RYK: variants seen among roughly 807,000 people sequenced by gnomAD.
The protein encoded by RYK is receptor like tyrosine kinase.
A neutral mutation model predicts 70.2 loss-of-function variants in RYK; 21 were observed. The ratio of observed to expected loss-of-function variants is 0.30; its 90% CI spans 0.21 to 0.43. The LOEUF (loss-of-function observed/expected upper bound fraction) is 0.43. Among genes scored for constraint, RYK ranks in the 20% least tolerant of loss-of-function variants. The pLI, the probability that RYK is intolerant of heterozygous loss-of-function variation, is 1.00. For synonymous variants in RYK, 267 were observed against 278.0 expected, an observed-to-expected ratio of 0.96 and a Z score of 0.39; for missense variants, 604 against 753.3, an observed-to-expected ratio of 0.80 and a Z score of 2.32.
intron 8 of RYK, among the ~76,000 whole-genome samples, chr3:134,189,318 T>C (rs2013568841): frequency 6.6e-6 from 1 of 152,132 alleles, no homozygotes; most frequent in Admixed American, 6.5e-5. Flanking sequence ...CGCAGAGCCT[T>C]AAAAAGTAGC....
At chr3:134,220,276 A>C (rs1448273534) in intron 2 of RYK, among the ~76,000 whole-genome samples, 1 of 152,214 alleles carries the variant, frequency 6.6e-6, no homozygotes, top group Non-Finnish European at 1.5e-5. Flanking sequence ...TTAGCTATGA[A>C]GAACATTGTT....
chr3:134,198,006 G>A (rs1465726308), intron 6 of RYK, among the ~76,000 whole-genome samples: 1 of 152,260 alleles, frequency 6.6e-6, no homozygotes, highest in Admixed American at 6.5e-5. Flanking sequence ...TGGTCAGAAC[G>A]AAATTTTTTT....
At chr3:134,209,570 G>T in intron 4 of RYK, 125 bp downstream of exon 4, 1 of 665,160 alleles carries the variant, frequency 1.5e-6, no homozygotes, top group Non-Finnish European at 2.4e-6. Context: ...ACCTGCCAGT[G>T]CTCTTTTCTC....
At chr3:134,158,977 A>C (rs554253293) in intron 14 of RYK, among the ~76,000 whole-genome samples, 16 of 152,236 alleles carry the variant, frequency 1.1e-4, no homozygotes, top group Non-Finnish European at 1.9e-4. Context: ...CAATTTTCTT[A>C]GTACGTCCTC....
intron 4 of RYK, 126 bp from the exon 5 acceptor site, chr3:134,207,651 A>G (rs1446802942): frequency 1.3e-5 from 8 of 612,184 alleles, no homozygotes; most frequent in Non-Finnish European, 2.3e-5. Context: ...AATGAAAGCT[A>G]TGTTACTATT....
chr3:134,170,128 C>T (rs889251988), intron 13 of RYK, among the ~76,000 whole-genome samples: 1 of 152,076 alleles, frequency 6.6e-6, no homozygotes, highest in Admixed American at 6.5e-5. Context: ...TTATCTAAAG[C>T]AAAGGCGATA....
At chr3:134,227,024 T>C (rs2014927974) in intron 1 of RYK, among the ~76,000 whole-genome samples, 1 of 152,210 alleles carries the variant, frequency 6.6e-6, no homozygotes, top group Non-Finnish European at 1.5e-5. Context: ...GACATAATCA[T>C]ATGTATAGAA....
At chr3:134,250,294 C>A in intron 1 of RYK, 129 bp downstream of exon 1, 1 of 404,572 alleles carries the variant, frequency 2.5e-6, no homozygotes, top group Admixed American at 4.8e-5. Flanking sequence ...GGCCGCGAGG[C>A]GAATCCGGGC....
chr3:134,159,178 C>T (rs1307186024), intron 14 of RYK, 59 bp downstream of exon 14: 3 of 1,561,638 alleles, frequency 1.9e-6, no homozygotes, highest in African/African-American at 2.7e-5. Context: ...GCTCTTTTTC[C>T]TTTATTCCAA....
At chr3:134,235,054 T>C (rs1477930496) in intron 1 of RYK, among the ~76,000 whole-genome samples, 2 of 152,098 alleles carry the variant, frequency 1.3e-5, no homozygotes, top group Non-Finnish European at 2.9e-5. Flanking sequence ...TGATCAGCTA[T>C]AAGGAAAAGC....
intron 1 of RYK, among the ~76,000 whole-genome samples, chr3:134,231,081 T>A (rs1451804053): frequency 1.3e-5 from 2 of 151,548 alleles, no homozygotes; most frequent in East Asian, 3.9e-4. Context: ...AAAAATAATA[T>A]GTAAGTAAGT....
intron 1 of RYK, among the ~76,000 whole-genome samples, chr3:134,226,828 T>C (rs142172752): frequency 1.2e-3 from 178 of 152,208 alleles, no homozygotes; most frequent in African/African-American, 3.9e-3. Context: ...GTAAAGAACA[T>C]TAAAAAAACC....
At chr3:134,200,160 CG>C (rs1560013543) in intron 6 of RYK, among the ~76,000 whole-genome samples, 1 of 152,014 alleles carries the variant, frequency 6.6e-6, no homozygotes, top group Non-Finnish European at 1.5e-5. Flanking sequence ...TCCCCTTCCA[CG>C]CTGTGGAAGC....
chr3:134,242,336 A>G (rs1241229689), intron 1 of RYK, among the ~76,000 whole-genome samples: 1 of 152,056 alleles, frequency 6.6e-6, no homozygotes, highest in Non-Finnish European at 1.5e-5. Flanking sequence ...AATGAGACCT[A>G]TGAAATCCAC....
intron 3 of RYK, among the ~76,000 whole-genome samples, chr3:134,211,003 A>G (rs998667866): frequency 2.0e-5 from 3 of 152,236 alleles, no homozygotes; most frequent in Non-Finnish European, 4.4e-5. Context: ...CTTGAAGATC[A>G]GAACTGCATG....
intron 3 of RYK, 144 bp from the exon 4 acceptor site, chr3:134,209,973 CAA>C: frequency 1.5e-6 from 1 of 647,510 alleles, no homozygotes; most frequent in Non-Finnish European, 2.5e-6. Context: ...AGTAACTAAA[CAA>C]AAGTTTTTAG....
At chr3:134,170,164 T>C (rs570460579) in intron 13 of RYK, among the ~76,000 whole-genome samples, 9 of 152,338 alleles carry the variant, frequency 5.9e-5, no homozygotes, top group African/African-American at 1.7e-4. Context: ...GTGTGTGGGA[T>C]TGTATATACA....
At chr3:134,211,019 T>C (rs537719237) in intron 3 of RYK, among the ~76,000 whole-genome samples, 2 of 152,264 alleles carry the variant, frequency 1.3e-5, no homozygotes, top group African/African-American at 4.8e-5. Context: ...GCATGTAGTC[T>C]GGAACTGCTA....
chr3:134,182,457 T>C (rs2013328034), intron 10 of RYK, among the ~76,000 whole-genome samples: 1 of 152,264 alleles, frequency 6.6e-6, no homozygotes, highest in Non-Finnish European at 1.5e-5. Flanking sequence ...CTAAAAGTAC[T>C]GAGATGTCTA....
Sources: gnomAD v4.1 joint callset for allele counts (sites outside exome capture counted in the v4.1 genomes callset) on GRCh38, gnomAD v4.1.1 for gene constraint, MANE v1.5 for transcripts, NCBI Gene and HGNC (gene_info 2026-07-23, HGNC 2026-07-21) for gene names.